Variants in LAMB4 observed in about 807,000 individuals in gnomAD.
The protein encoded by LAMB4 is laminin subunit beta 4.
Under a neutral mutation model 199.2 loss-of-function variants are expected in LAMB4, and 196 were observed. The ratio of observed to expected loss-of-function variants is 0.98; its 90% CI spans 0.88 to 1.11. The LOEUF (loss-of-function observed/expected upper bound fraction) is 1.11, where lower values mean the gene tolerates loss of function less well. LAMB4 is among the 50% of genes least tolerant of loss of function. The probability of loss-of-function intolerance (pLI) is 0.00; values close to 1 mark genes in which losing one functional copy is unlikely to be tolerated. For missense variants in LAMB4, 2,080 were observed against 2,171.2 expected (o/e 0.96, Z 0.83); for synonymous variants, 744 against 770.6 (o/e 0.97, Z 0.57).
intron 23 of LAMB4, chr7:108,062,336 A>G (rs73424743): frequency 0.049 from 7,479 of 152,430 alleles, 638 homozygotes; most frequent in African/African-American, 0.17. Context: ...TATTTTACCC[A>G]TATGTAAAGC....
In LAMB4 at chr7:108,109,213, T is replaced by A. The variant is rs144209988; in HGVS notation, c.360A>T (p.Leu120Phe). ...GLDHVSIRLD[L>F]EALFRFSHLI... is the part of the protein sequence containing the mutation. Reference sequence around the variant, plus strand: ...GGTGGCTGAACCGAAATAATGCCTCTAAGTCCAGTCTGATGCTGACATGAT... The same window carrying A: ...GGTGGCTGAACCGAAATAATGCCTCAAAGTCCAGTCTGATGCTGACATGAT... Residue 120 changes from leucine (L) to phenylalanine (F), a missense_variant, in exon 5 of 34, where the codon TTA becomes TTT. Leu to Phe is a conservative substitution (Grantham distance 22). Coordinates refer to ENST00000388781, the MANE Select transcript of LAMB4 (RefSeq NM_007356.3). 18 of 1,613,546 alleles carry A rather than the reference T, an allele frequency of 1.1e-5. No homozygotes were observed. In the African/African-American group the frequency reaches 2.3e-4, roughly 20 times the overall value.
At chr7:108,092,480 C>G in intron 12 of LAMB4, 64 bp from the exon 13 acceptor site, 1 of 1,183,210 alleles carries the variant, frequency 8.5e-7, no homozygotes, top group Non-Finnish European at 1.3e-6. Context: ...AAGTGCAACA[C>G]TGAAATCACT....
At chr7:108,072,018 T>C (rs1220603726) in intron 17 of LAMB4, among the ~76,000 whole-genome samples, 1 of 152,026 alleles carries the variant, frequency 6.6e-6, no homozygotes, top group Non-Finnish European at 1.5e-5. Context: ...ACTGCCCCTC[T>C]AGGGAGCATT....
At chr7:108,037,238 T>G in intron 30 of LAMB4, 150 bp downstream of exon 30, 1 of 649,360 alleles carries the variant, frequency 1.5e-6, no homozygotes, top group Non-Finnish European at 2.7e-6. Flanking sequence ...CCGGGGAATC[T>G]CCAAAGAGAG....
chr7:108,065,489 A>G (rs377622437), intron 21 of LAMB4, among the ~76,000 whole-genome samples: 1 of 152,196 alleles, frequency 6.6e-6, no homozygotes, highest in African/African-American at 2.4e-5. Flanking sequence ...TTTTAAATAA[A>G]TTAACTTGAT....
At chr7:108,055,540 A>G (rs1395850714) in intron 25 of LAMB4, 92 bp downstream of exon 25, 11 of 1,328,894 alleles carry the variant, frequency 8.3e-6, no homozygotes, top group East Asian at 2.3e-5. Flanking sequence ...ACATAGGTAC[A>G]TTTCTAAATT....
chr7:108,104,574 AGTTCGGACCATCTGTATT>A lies in LAMB4; in HGVS notation c.898_915del (p.Asn300_Asn305del). On this transcript the variant is annotated inframe_deletion, in exon 9 of 34. Coordinates refer to ENST00000388781, the MANE Select transcript of LAMB4 (RefSeq NM_007356.3). ...TGGAAGAAGTCCTTGCATCTCTCAC[AGTTCGGACCATCTGTATT>A]GTGCTGACACACACACTGACCGTGA... The A allele has an allele frequency of 6.2e-7, 1 of 1,614,220 alleles. No individual in the cohort carries two copies. Among genetic ancestry groups the A allele is most frequent in the Non-Finnish European group, 8.5e-7 (1 of 1,180,038 alleles).
chr7:108,037,671 A>C, intron 29 of LAMB4, 76 bp from the exon 30 acceptor site: 1 of 1,111,408 alleles, frequency 9.0e-7, no homozygotes, highest in East Asian at 2.4e-5. Context: ...AACCACAATG[A>C]TGTCTCAGCC....
intron 15 of LAMB4, 91 bp downstream of exon 15, chr7:108,079,510 T>C: frequency 9.2e-7 from 1 of 1,083,262 alleles, no homozygotes. Flanking sequence ...CCTTTTCTGA[T>C]GAACCTATTC....
chr7:108,124,836 C>T (rs1025653638), intron 1 of LAMB4, among the ~76,000 whole-genome samples: 3 of 152,190 alleles, frequency 2.0e-5, no homozygotes, highest in African/African-American at 4.8e-5. Context: ...ACAGTCCCTG[C>T]GCTCCAGCCT....
At position 108,055,894 on chromosome 7, in the gene LAMB4, G is replaced by T; in HGVS notation, c.3493C>A (p.His1165Asn). 1 of 1,614,188 alleles carries T rather than the reference G, an allele frequency of 6.2e-7. No individual in the cohort carries two copies. The highest frequency in any genetic ancestry group is 2.2e-5 in the East Asian group (1 of 44,874). The change falls in exon 25 of 34, where the codon CAC (histidine) becomes AAC (asparagine). Residue 1165 changes from histidine (H) to asparagine (N), a missense_variant. His to Asn is a moderately conservative substitution (Grantham distance 68). Coordinates refer to ENST00000388781, the MANE Select transcript of LAMB4 (RefSeq NM_007356.3). ...GQRCDRCARG[H>N]SQEFPTCLQC... Reference sequence around the variant, plus strand: ...AGACAAGTAGGGAATTCCTGGCTGTGTCCCCGGGCACAGCGATCACATCTC... The same window carrying T: ...AGACAAGTAGGGAATTCCTGGCTGTTTCCCCGGGCACAGCGATCACATCTC...
In LAMB4 at chr7:108,024,042, G is replaced by C. The variant is rs1365907133; in HGVS notation, c.5283C>G (p.Ser1761Arg). 6.2e-6 allele frequency: 10 copies of C among 1,603,518 alleles called. 1 individual carries two copies. In the Admixed American group the frequency reaches 1.7e-4, roughly 28 times the overall value. Residue 1761 changes from serine (S) to arginine (R), a missense_variant, in exon 34 of 34, where the codon AGC (serine) becomes AGG (arginine). By Grantham distance (110) the Ser-to-Arg change is moderately radical (BLOSUM62 -1). Coordinates refer to ENST00000388781, the MANE Select transcript of LAMB4 (RefSeq NM_007356.3). ...AGCTTTTGCTCTTTAACTCTGCCTA[G>C]CTATAGCACCTAGCATATTTTTTTT... ...EQEKKYARCY[S>R]
chr7:108,061,296 T>C (rs2036150893), intron 23 of LAMB4, among the ~76,000 whole-genome samples: 1 of 152,220 alleles, frequency 6.6e-6, no homozygotes, highest in African/African-American at 2.4e-5. Flanking sequence ...TTAGCAATAA[T>C]GTATCAATAT....
chr7:108,052,365 A>T (rs1024620474), intron 25 of LAMB4, 108 bp from the exon 26 acceptor site: 1 of 779,522 alleles, frequency 1.3e-6, no homozygotes, highest in African/African-American at 1.7e-5. Flanking sequence ...CTTGATTAGA[A>T]GGGATTCCTT....
intron 1 of LAMB4, among the ~76,000 whole-genome samples, chr7:108,128,055 C>A (rs541756435): frequency 6.6e-6 from 1 of 152,082 alleles, no homozygotes; most frequent in Admixed American, 6.6e-5. Context: ...CTGGCCCATT[C>A]TATGGAACAC....
chr7:108,029,370 T>A (rs773511806), intron 32 of LAMB4, among the ~76,000 whole-genome samples, 174 bp from the exon 33 acceptor site: 13 of 152,248 alleles, frequency 8.5e-5, no homozygotes, highest in Non-Finnish European at 1.9e-4. Context: ...GTTTGTTTTT[T>A]CAGATTGAAA....
chr7:108,080,055 C>T (rs998801227), intron 14 of LAMB4, among the ~76,000 whole-genome samples: 1 of 152,140 alleles, frequency 6.6e-6, no homozygotes, highest in Non-Finnish European at 1.5e-5. Flanking sequence ...TTAAGTACCC[C>T]CTGTGCTAAT....
chr7:108,071,758 G>A (rs1202275584), intron 17 of LAMB4, among the ~76,000 whole-genome samples: 1 of 152,032 alleles, frequency 6.6e-6, no homozygotes, highest in African/African-American at 2.4e-5. Context: ...CCCTAATTCA[G>A]GCCACCTGGA....
Position 108,092,430 on chromosome 7 carries a change from A to G in LAMB4, c.1471-14T>C. ...CCAGTATCCAACCTACAGAGAAAAAATGCTCAGCTGATTCCAGCTATGAAG... is the reference window on the plus strand; with the variant it reads ...CCAGTATCCAACCTACAGAGAAAAAGTGCTCAGCTGATTCCAGCTATGAAG... On this transcript the variant is annotated splice_polypyrimidine_tract_variant and intron_variant, in intron 12 of 33. Transcript: ENST00000388781. The G allele has an allele frequency of 6.2e-7, 1 of 1,605,018 alleles. No homozygotes were observed. The highest frequency in any genetic ancestry group is 8.5e-7 in the Non-Finnish European group (1 of 1,171,678).
Sources: allele counts gnomAD v4.1 joint callset (sites outside exome capture counted in the v4.1 genomes callset), GRCh38; gene constraint gnomAD v4.1.1; transcripts MANE v1.5; gene names NCBI Gene and HGNC (gene_info 2026-07-23, HGNC 2026-07-21).